Variants in SORCS1 observed in about 807,000 individuals in gnomAD.
SORCS1 encodes VPS10 domain-containing receptor SorCS1.
In SORCS1, 60 loss-of-function variants were observed where a neutral mutation model predicts 146.1. That is an observed-to-expected ratio of 0.41 (90% CI 0.33 to 0.51). The LOEUF is 0.51. Among genes scored for constraint, SORCS1 ranks in the 20% least tolerant of loss-of-function variants. The pLI is 0.21. For missense variants in SORCS1, 1,352 were observed against 1,487.6 expected (o/e 0.91, Z 1.50); for synonymous variants, 637 against 584.0 (o/e 1.09, Z -1.31).
intron 2 of SORCS1, among the ~76,000 whole-genome samples, chr10:106,944,534 C>G (rs1278965164): frequency 6.6e-6 from 1 of 152,176 alleles, no homozygotes; most frequent in African/African-American, 2.4e-5. Flanking sequence ...GACATAATCT[C>G]TCATGTATTT....
At chr10:107,079,950 CAA>C (rs957333650) in intron 1 of SORCS1, among the ~76,000 whole-genome samples, 1 of 152,150 alleles carries the variant, frequency 6.6e-6, no homozygotes, top group African/African-American at 2.4e-5. Flanking sequence ...TGATAAAAAA[CAA>C]GAGAGATTTA....
intron 1 of SORCS1, among the ~76,000 whole-genome samples, chr10:106,985,138 GATCAC>G: frequency 6.6e-6 from 1 of 152,210 alleles, no homozygotes; most frequent in Non-Finnish European, 1.5e-5. Flanking sequence ...AGTGAGCCAA[GATCAC>G]ATCACTGCAC....
At chr10:106,891,109 A>G (rs977876585) in intron 2 of SORCS1, among the ~76,000 whole-genome samples, 71 of 152,270 alleles carry the variant, frequency 4.7e-4, no homozygotes, top group African/African-American at 1.6e-3. Context: ...GTAAAGCAAC[A>G]TGGTTCCCGT....
intron 24 of SORCS1, 143 bp downstream of exon 24, chr10:106,597,208 G>C (rs1439447412): frequency 1.5e-6 from 1 of 660,602 alleles, no homozygotes. Context: ...GAAACACCAA[G>C]CAAGGGAACC....
chr10:106,949,638 T>A (rs1010350359), intron 2 of SORCS1, among the ~76,000 whole-genome samples: 1 of 152,192 alleles, frequency 6.6e-6, no homozygotes, highest in Non-Finnish European at 1.5e-5. Flanking sequence ...CAGAATCACA[T>A]CAAAAGCCTA....
chr10:106,637,136 A>G (rs981701343), intron 18 of SORCS1, among the ~76,000 whole-genome samples: 2 of 152,158 alleles, frequency 1.3e-5, no homozygotes, highest in Non-Finnish European at 2.9e-5. Context: ...ACTGTGTTGG[A>G]CCTTCTTGTG....
intron 6 of SORCS1, among the ~76,000 whole-genome samples, chr10:106,710,699 T>C (rs559451137): frequency 2.0e-5 from 3 of 152,274 alleles, no homozygotes; most frequent in African/African-American, 4.8e-5. Context: ...TTTTGCCTCA[T>C]TGTATTGAGA....
chr10:106,956,115 C>A (rs1426999203), intron 2 of SORCS1, among the ~76,000 whole-genome samples: 1 of 150,546 alleles, frequency 6.6e-6, no homozygotes, highest in South Asian at 2.1e-4. Flanking sequence ...GGCAACAAGA[C>A]CAAAACTCCG....
chr10:106,944,874 C>CTGTTTTTTTTTTT (rs1954241512), intron 2 of SORCS1, among the ~76,000 whole-genome samples: 1 of 36,576 alleles, frequency 2.7e-5, no homozygotes, highest in Non-Finnish European at 5.0e-5. Flanking sequence ...AAAGAGCCTT[C>CTGTTTTTTTTTTT]TTTTTTTTTT....
chr10:107,103,159 T>A (rs71475445), intron 1 of SORCS1, among the ~76,000 whole-genome samples: 2 of 152,206 alleles, frequency 1.3e-5, no homozygotes, highest in Non-Finnish European at 2.9e-5. Context: ...AGTTTCAGAA[T>A]TTGGACTTTG....
chr10:106,624,542 G>C (rs1847971380), intron 19 of SORCS1, among the ~76,000 whole-genome samples: 1 of 151,534 alleles, frequency 6.6e-6, no homozygotes, highest in Admixed American at 6.6e-5. Flanking sequence ...TGTATTTTTA[G>C]TAGAGACAGG....
At chr10:106,581,376 T>C (rs1564741694) in intron 24 of SORCS1, among the ~76,000 whole-genome samples, 1 of 149,378 alleles carries the variant, frequency 6.7e-6, no homozygotes, top group East Asian at 2.0e-4. Flanking sequence ...ATATACTCAA[T>C]CCTGGGCTAA....
At chr10:106,750,165 A>AT (rs895719154) in intron 5 of SORCS1, among the ~76,000 whole-genome samples, 37 of 152,024 alleles carry the variant, frequency 2.4e-4, no homozygotes, top group Middle Eastern at 6.8e-3. Flanking sequence ...AATTATGAGG[A>AT]TTTTTTTTCC....
intron 1 of SORCS1, among the ~76,000 whole-genome samples, chr10:107,078,301 A>G (rs1963051127): frequency 6.6e-6 from 1 of 152,180 alleles, no homozygotes; most frequent in Admixed American, 6.6e-5. Context: ...TGGGACAAAA[A>G]TATAAAATAA....
At chr10:106,934,403 G>GC (rs371321386) in intron 2 of SORCS1, among the ~76,000 whole-genome samples, 7,339 of 151,776 alleles carry the variant, frequency 0.048, 520 homozygotes, top group East Asian at 0.15. Context: ...GACTACAGGC[G>GC]CCACCACCAC....
At chr10:106,944,185 T>G (rs1009215690) in intron 2 of SORCS1, among the ~76,000 whole-genome samples, 3 of 152,242 alleles carry the variant, frequency 2.0e-5, no homozygotes, top group African/African-American at 7.2e-5. Context: ...AGGTAATTTT[T>G]TGTGTGTGAA....
chr10:106,867,246 T>A (rs986572595), intron 2 of SORCS1, among the ~76,000 whole-genome samples: 5 of 151,748 alleles, frequency 3.3e-5, no homozygotes, highest in Non-Finnish European at 5.9e-5. Context: ...ACCTCTCAGC[T>A]AAAACCTTAT....
At chr10:106,613,518 T>C (rs1035161141) in intron 21 of SORCS1, among the ~76,000 whole-genome samples, 1 of 152,154 alleles carries the variant, frequency 6.6e-6, no homozygotes, top group Non-Finnish European at 1.5e-5. Context: ...GCAGGGTAAG[T>C]CCCTGGAAGG....
intron 1 of SORCS1, among the ~76,000 whole-genome samples, chr10:106,958,728 G>A (rs764720327): frequency 5.3e-5 from 8 of 151,838 alleles, no homozygotes; most frequent in Admixed American, 5.2e-4. Flanking sequence ...GGCACCCCAT[G>A]GACACATCAG....
Sources: gnomAD v4.1 joint callset for allele counts (sites outside exome capture counted in the v4.1 genomes callset) on GRCh38, gnomAD v4.1.1 for gene constraint, MANE v1.5 for transcripts, NCBI Gene and HGNC (gene_info 2026-07-23, HGNC 2026-07-21) for gene names.